PLXNA1: variants seen among roughly 807,000 people sequenced by gnomAD.
The protein encoded by PLXNA1 is plexin A1, also known as plexin-A1.
A neutral mutation model predicts 191.7 loss-of-function variants in PLXNA1; 77 were observed. That is an observed-to-expected ratio of 0.40 (90% CI 0.33 to 0.49). The LOEUF (loss-of-function observed/expected upper bound fraction) is 0.49. Among genes scored for constraint, PLXNA1 ranks in the 20% least tolerant of loss-of-function variants. PLXNA1 has a pLI of 0.63. For synonymous variants in PLXNA1, 1,137 were observed against 1,156.4 expected (o/e 0.98, Z 0.34); for missense variants, 2,110 against 2,660.2 (o/e 0.79, Z 4.55).
chr3:127,009,305 G>A (rs911553413), intron 9 of PLXNA1, among the ~76,000 whole-genome samples: 1 of 151,988 alleles, frequency 6.6e-6, no homozygotes, highest in Non-Finnish European at 1.5e-5. Flanking sequence ...CATGAACTTC[G>A]AGGCACCCTT....
intron 23 of PLXNA1, 115 bp from the exon 24 acceptor site, chr3:127,027,825 G>C (rs1275995026): frequency 7.1e-7 from 1 of 1,405,214 alleles, no homozygotes; most frequent in African/African-American, 1.4e-5. Context: ...GAGTTGGGAA[G>C]TGCTGCTCAT....
chr3:127,005,771 G>T (rs1420725966), intron 7 of PLXNA1, among the ~76,000 whole-genome samples: 1 of 152,104 alleles, frequency 6.6e-6, no homozygotes, highest in Non-Finnish European at 1.5e-5. Flanking sequence ...TGGGGACTTG[G>T]GGTGCAGGAC....
intron 9 of PLXNA1, 112 bp downstream of exon 9, chr3:127,008,025 C>G (rs2107628765): frequency 1.5e-6 from 1 of 675,568 alleles, no homozygotes; most frequent in Non-Finnish European, 2.5e-6. Context: ...CTGTGGATGT[C>G]TGGGATGTCA....
Position 127,014,109 on chromosome 3 carries a change from C to G in PLXNA1, c.2403C>G (p.Asn801Lys), listed in dbSNP as rs372223958. ...ACTTTGTCATTGACAACCCACAGAA[C>G]ATCCAGGGTGAGTGGGCGCCCCGGC... ...NGNFVIDNPQ[N>K]IQAHLYKCPA... is the part of the protein sequence containing the mutation. The change falls in exon 11 of 32, where the codon AAC (asparagine) becomes AAG (lysine). Residue 801 changes from asparagine to lysine, a missense_variant. Around this residue, in one of 4 missense-constraint regions of PLXNA1, gnomAD observed 644 missense variants for 714.3 expected, o/e 0.90. Transcript: ENST00000393409. 6.2e-7 allele frequency: 1 copy of G among 1,613,694 alleles called. No individual in the cohort carries two copies. Among genetic ancestry groups the G allele is most frequent in the African/African-American group, 1.3e-5 (1 of 74,930 alleles).
At chr3:126,992,533 G>T (rs1427524315) in intron 3 of PLXNA1, among the ~76,000 whole-genome samples, 2 of 152,102 alleles carry the variant, frequency 1.3e-5, no homozygotes, top group African/African-American at 4.8e-5. Context: ...GTGGTGGGGA[G>T]TCCTGCCCCT....
chr3:127,026,472 C>A (rs767759525), intron 23 of PLXNA1: 2 of 152,214 alleles, frequency 1.3e-5, no homozygotes, highest in Non-Finnish European at 2.9e-5. Context: ...TGAGGCCAGG[C>A]CTGGGAACCC....
At chr3:127,005,740 G>T (rs896844549) in intron 7 of PLXNA1, among the ~76,000 whole-genome samples, 1 of 149,308 alleles carries the variant, frequency 6.7e-6, no homozygotes. Flanking sequence ...TGGGGCGCAG[G>T]TTGGGTGGGG....
intron 4 of PLXNA1, 126 bp downstream of exon 4, chr3:127,003,596 A>G: frequency 8.8e-7 from 1 of 1,132,476 alleles, no homozygotes; most frequent in Non-Finnish European, 1.2e-6. Context: ...TGGTAAAAGT[A>G]GTTTCAAGCT....
In PLXNA1 at chr3:127,014,061, C is replaced by G. The variant is rs1008154383; in HGVS notation, c.2355C>G (p.Asn785Lys). The G allele has an allele frequency of 6.2e-7, 1 of 1,614,014 alleles. No individual in the cohort carries two copies. Among genetic ancestry groups the G allele is most frequent in the Non-Finnish European group, 8.5e-7 (1 of 1,179,990 alleles). The change falls in exon 11 of 32, where the codon AAC becomes AAG. Residue 785 changes from asparagine to lysine, a missense_variant. Coordinates refer to ENST00000393409, the MANE Select transcript of PLXNA1 (RefSeq NM_032242.4). ...ACGATGTCAGCGACCTGCCAGTGAACCTGTCAGTCGTGTGGAACGGCAACT... is the reference window on the plus strand; with the variant it reads ...ACGATGTCAGCGACCTGCCAGTGAAGCTGTCAGTCGTGTGGAACGGCAACT... Reference protein sequence around the residue: ...EGNDVSDLPVNLSVVWNGNFV... With the variant: ...EGNDVSDLPVKLSVVWNGNFV...
At chr3:127,033,772 C>T in intron 31 of PLXNA1, 150 bp from the exon 32 acceptor site, 1 of 629,982 alleles carries the variant, frequency 1.6e-6, no homozygotes, top group Non-Finnish European at 2.8e-6. Context: ...TATTGGGGTC[C>T]TGGAGGGTCC....
At chr3:127,026,008 G>A (rs1169913484) in intron 23 of PLXNA1, among the ~76,000 whole-genome samples, 8 of 152,328 alleles carry the variant, frequency 5.3e-5, no homozygotes, top group African/African-American at 1.4e-4. Context: ...AGTGCTTGTC[G>A]TAATGTCATT....
intron 3 of PLXNA1, among the ~76,000 whole-genome samples, chr3:127,002,984 G>T (rs2079048085): frequency 6.6e-6 from 1 of 152,280 alleles, no homozygotes; most frequent in Admixed American, 6.5e-5. Context: ...GGCACCCGTG[G>T]GACTCCTGTA....
chr3:127,028,703 G>A, intron 25 of PLXNA1: 1 of 541,944 alleles, frequency 1.8e-6, no homozygotes, highest in Non-Finnish European at 3.3e-6. Flanking sequence ...TGACTGGAGA[G>A]GCTGGGTCCC....
chr3:126,995,727 T>C (rs2079012068), intron 3 of PLXNA1, among the ~76,000 whole-genome samples: 1 of 152,248 alleles, frequency 6.6e-6, no homozygotes, highest in Non-Finnish European at 1.5e-5. Context: ...CACCAGTTTG[T>C]GGCCCAGGGA....
chr3:126,996,851 A>G (rs759601671), intron 3 of PLXNA1, among the ~76,000 whole-genome samples: 2 of 151,962 alleles, frequency 1.3e-5, no homozygotes, highest in Non-Finnish European at 2.9e-5. Flanking sequence ...CATGCAGCCC[A>G]CTCCCGAGCC....
In PLXNA1 at chr3:126,992,945, A is replaced by G. The variant is rs2078998555; in HGVS notation, c.1377+1379A>G. On this transcript the variant is annotated intron_variant, in intron 3 of 31. Coordinates refer to ENST00000393409, the MANE Select transcript of PLXNA1 (RefSeq NM_032242.4). ...GGTGGGTGTTGGAGTGGGTTTTGCC[A>G]GACAGAGGACCGTGCTTGTGTGGAA... Among the ~76,000 whole-genome samples, 2 of 152,102 alleles carry G rather than the reference A, an allele frequency of 1.3e-5. 1 individual carries two copies. Among genetic ancestry groups the G allele is most frequent in the African/African-American group, 4.8e-5 (2 of 41,416 alleles).
At chr3:127,029,831 C>T (rs1559966808) in intron 27 of PLXNA1, 43 bp from the exon 28 acceptor site, 44 of 1,524,144 alleles carry the variant, frequency 2.9e-5, no homozygotes, top group Admixed American at 3.9e-5. Context: ...GCGGGGGGTG[C>T]GGGGTGCCAG....
rs765732002 is a variant in PLXNA1 at position 127,017,462 on chromosome 3, G to A, written c.3314G>A (p.Arg1105His). 12 of 1,613,132 alleles carry A rather than the reference G, an allele frequency of 7.4e-6. No individual in the cohort carries two copies. Among genetic ancestry groups the A allele is most frequent in the East Asian group, 4.5e-5 (2 of 44,888 alleles). Residue 1105 changes from arginine (R) to histidine (H), a missense_variant, in exon 18 of 32, where the codon CGC (arginine) becomes CAC (histidine). By Grantham distance (29) the Arg-to-His change is conservative. Around this residue, in one of 4 missense-constraint regions of PLXNA1, gnomAD observed 644 missense variants for 714.3 expected, o/e 0.90. Transcript: ENST00000393409. ...TACAATGACACCACCATGGTATGCC[G>A]CGCCCCGTCTGTGGCCAACCCTGTG... ...LVYNDTTMVC[R>H]APSVANPVRS...
chr3:127,028,914 C>T, intron 25 of PLXNA1, 79 bp from the exon 26 acceptor site: 1 of 1,091,186 alleles, frequency 9.2e-7, no homozygotes, highest in South Asian at 1.4e-5. Flanking sequence ...GCAGGCAGGC[C>T]CCGTCCCACT....
Sources: allele counts gnomAD v4.1 joint callset (sites outside exome capture counted in the v4.1 genomes callset), GRCh38; gene constraint gnomAD v4.1.1; regional missense constraint gnomAD v4.1.1; transcripts MANE v1.5; gene names NCBI Gene and HGNC (gene_info 2026-07-23, HGNC 2026-07-21).